CSMD1: variants seen among roughly 807,000 people sequenced by gnomAD.
The protein encoded by CSMD1 is CUB and Sushi multiple domains 1.
A neutral mutation model predicts 417.5 loss-of-function variants in CSMD1; 213 were observed. The observed-to-expected ratio is 0.51, with a 90% CI of 0.46 to 0.57. The LOEUF (loss-of-function observed/expected upper bound fraction) is 0.57, where lower values mean the gene tolerates loss of function less well. Among genes scored for constraint, CSMD1 ranks in the 20% least tolerant of loss-of-function variants. The pLI is 0.00. For synonymous variants in CSMD1, 2,862 were observed against 1,736.8 expected, an observed-to-expected ratio of 1.65 and a Z score of -16.11; for missense variants, 6,923 against 4,529.7, an observed-to-expected ratio of 1.53 and a Z score of -15.17.
At chr8:3,757,327 T>C (rs28548101) in intron 5 of CSMD1, among the ~76,000 whole-genome samples, 1,953 of 152,360 alleles carry the variant, frequency 0.013, 13 homozygotes, top group Non-Finnish European at 0.02. Flanking sequence ...TTGGAAATTG[T>C]TCAACTTTGC....
intron 2 of CSMD1, among the ~76,000 whole-genome samples, chr8:4,616,715 A>T (rs987645329): frequency 3.3e-5 from 5 of 152,170 alleles, no homozygotes; most frequent in African/African-American, 1.2e-4. Context: ...CACTTATCCA[A>T]TGGTGATGAT....
intron 18 of CSMD1, among the ~76,000 whole-genome samples, chr8:3,370,812 C>A (rs540479075): frequency 6.6e-6 from 1 of 152,164 alleles, no homozygotes; most frequent in Admixed American, 6.5e-5. Context: ...CCATGTTTAT[C>A]AAAAATATAA....
At chr8:4,909,487 C>A (rs764389317) in intron 1 of CSMD1, among the ~76,000 whole-genome samples, 1 of 152,102 alleles carries the variant, frequency 6.6e-6, no homozygotes, top group Non-Finnish European at 1.5e-5. Context: ...AACCTTCTAG[C>A]AGAGATTTTT....
At chr8:2,996,510 G>GT (rs1371274391) in intron 54 of CSMD1, among the ~76,000 whole-genome samples, 1 of 152,198 alleles carries the variant, frequency 6.6e-6, no homozygotes, top group East Asian at 1.9e-4. Flanking sequence ...GACTCTGGAA[G>GT]TATCAGGCCT....
At chr8:4,846,917 G>A (rs926095779) in intron 1 of CSMD1, among the ~76,000 whole-genome samples, 1 of 152,058 alleles carries the variant, frequency 6.6e-6, no homozygotes, top group East Asian at 1.9e-4. Context: ...AAAACCATGT[G>A]CTTCTAAAAC....
intron 8 of CSMD1, among the ~76,000 whole-genome samples, chr8:3,611,374 A>G (rs1253099394): frequency 1.3e-5 from 2 of 152,150 alleles, no homozygotes; most frequent in East Asian, 1.9e-4. Flanking sequence ...AGGAACAAAC[A>G]TCTATGTAAT....
intron 1 of CSMD1, among the ~76,000 whole-genome samples, chr8:4,805,598 A>T (rs933148458): frequency 3.9e-5 from 6 of 152,200 alleles, no homozygotes; most frequent in African/African-American, 1.4e-4. Flanking sequence ...CTGAGCCAAA[A>T]CTGAGGAAGT....
Position 3,691,631 on chromosome 8 carries a change from C to T in CSMD1, c.1009+16783G>A, listed in dbSNP as rs564619206. ...CCTAACAAAAATATATAACAACTGA[C>T]AGTGTTCCTAAGTACCCTTTCGTGG... On this transcript the variant is annotated intron_variant, in intron 7 of 69. Transcript: ENST00000635120. 1.2e-4 allele frequency among the ~76,000 whole-genome samples: 18 copies of T among 152,296 alleles called. No individual in the cohort carries two copies. The Middle Eastern group carries it at 0.017, about 145-fold the overall frequency.
At chr8:4,279,175 T>G (rs1426678692) in intron 3 of CSMD1, among the ~76,000 whole-genome samples, 1 of 152,114 alleles carries the variant, frequency 6.6e-6, no homozygotes, top group Non-Finnish European at 1.5e-5. Flanking sequence ...ATGCCAAGCT[T>G]CGTCTGTCTC....
chr8:3,320,828 CA>C (rs2117476429), intron 23 of CSMD1, among the ~76,000 whole-genome samples: 1 of 152,342 alleles, frequency 6.6e-6, no homozygotes, highest in South Asian at 2.1e-4. Flanking sequence ...AGCGAGGGCG[CA>C]GGGTCATCCT....
chr8:4,857,541 A>G (rs1801876142), intron 1 of CSMD1, among the ~76,000 whole-genome samples: 3 of 152,220 alleles, frequency 2.0e-5, no homozygotes, highest in Non-Finnish European at 2.9e-5. Context: ...AAAAAAAGAG[A>G]GAAGAATCAA....
At chr8:3,177,500 G>A (rs557845720) in intron 37 of CSMD1, among the ~76,000 whole-genome samples, 1 of 152,278 alleles carries the variant, frequency 6.6e-6, no homozygotes, top group South Asian at 2.1e-4. Context: ...ATTATTTGAA[G>A]GTAAGCTCTG....
chr8:3,407,300 T>C (rs752659883), intron 14 of CSMD1, among the ~76,000 whole-genome samples: 2 of 151,582 alleles, frequency 1.3e-5, no homozygotes, highest in African/African-American at 2.4e-5. Flanking sequence ...AAAGGAATGA[T>C]AGACGGAATA....
At chr8:3,574,918 C>G in intron 10 of CSMD1, 27 bp downstream of exon 10, 4 of 1,610,006 alleles carry the variant, frequency 2.5e-6, no homozygotes, top group Non-Finnish European at 3.4e-6. Flanking sequence ...TGTGCATTAA[C>G]CACAGGGGTT....
intron 3 of CSMD1, among the ~76,000 whole-genome samples, chr8:4,211,107 C>G (rs946979508): frequency 6.6e-6 from 1 of 152,028 alleles, no homozygotes; most frequent in Admixed American, 6.5e-5. Flanking sequence ...TGGGAATTTT[C>G]TTGCTGTTAT....
intron 1 of CSMD1, among the ~76,000 whole-genome samples, chr8:4,905,964 T>G (rs1805242520): frequency 6.6e-6 from 1 of 152,214 alleles, no homozygotes; most frequent in Non-Finnish European, 1.5e-5. Context: ...TCATTCTTCC[T>G]GCCTTCAAAT....
chr8:2,942,304 C>T (rs1009797928), intron 69 of CSMD1, among the ~76,000 whole-genome samples, 168 bp downstream of exon 69: 60 of 151,490 alleles, frequency 4.0e-4, no homozygotes, highest in African/African-American at 1.2e-3. Flanking sequence ...CCTGCACATC[C>T]GGCACGTGTA....
intron 1 of CSMD1, among the ~76,000 whole-genome samples, chr8:4,927,437 G>C (rs770997148): frequency 6.6e-6 from 1 of 152,122 alleles, no homozygotes; most frequent in Non-Finnish European, 1.5e-5. Context: ...CAGTGTGAAA[G>C]TTTAATGTAG....
chr8:4,832,696 G>T (rs767637460), intron 1 of CSMD1, among the ~76,000 whole-genome samples: 1 of 152,136 alleles, frequency 6.6e-6, no homozygotes, highest in Non-Finnish European at 1.5e-5. Context: ...TCAGGTAAAT[G>T]TAACAAAGAT....
Sources: gnomAD v4.1 joint callset for allele counts (sites outside exome capture counted in the v4.1 genomes callset) on GRCh38, gnomAD v4.1.1 for gene constraint, MANE v1.5 for transcripts, NCBI Gene and HGNC (gene_info 2026-07-23, HGNC 2026-07-21) for gene names.